The following CNOT6L variants were observed in gnomAD, a reference collection of about 807,000 sequenced individuals.
The protein encoded by CNOT6L is CCR4-NOT transcription complex subunit 6 like.
In CNOT6L, 7 loss-of-function variants were observed where a neutral mutation model predicts 64.0. The observed-to-expected ratio is 0.11, with a 90% CI of 0.06 to 0.21. The LOEUF (loss-of-function observed/expected upper bound fraction) is 0.21, where lower values mean the gene tolerates loss of function less well. CNOT6L is among the 10% of genes least tolerant of loss of function. The pLI, the probability that CNOT6L is intolerant of heterozygous loss-of-function variation, is 1.00. For synonymous variants in CNOT6L, 193 were observed against 243.4 expected, an observed-to-expected ratio of 0.79 and a Z score of 1.93; for missense variants, 245 against 669.0, an observed-to-expected ratio of 0.37 and a Z score of 6.99.
intron 1 of CNOT6L, among the ~76,000 whole-genome samples, chr4:77,784,808 TTC>T (rs1421608894): frequency 1.3e-5 from 2 of 152,256 alleles, no homozygotes; most frequent in Non-Finnish European, 2.9e-5. Flanking sequence ...TTGATTTAGT[TTC>T]TGTTTTCTTT....
chr4:77,757,244 T>C (rs1052863406), intron 4 of CNOT6L, among the ~76,000 whole-genome samples: 3 of 152,168 alleles, frequency 2.0e-5, no homozygotes, highest in Non-Finnish European at 4.4e-5. Flanking sequence ...AGTAATCCTA[T>C]AGGTTCTACA....
intron 1 of CNOT6L, among the ~76,000 whole-genome samples, chr4:77,791,036 G>C (rs979887627): frequency 6.6e-6 from 1 of 151,984 alleles, no homozygotes; most frequent in Non-Finnish European, 1.5e-5. Flanking sequence ...CCAGCACTTC[G>C]GGAGGCTGAG....
intron 4 of CNOT6L, among the ~76,000 whole-genome samples, chr4:77,765,154 T>TC (rs1406795169): frequency 6.6e-6 from 1 of 152,010 alleles, no homozygotes; most frequent in African/African-American, 2.4e-5. Flanking sequence ...ACTGCTACAC[T>TC]CCCACCAGCT....
chr4:77,789,945 C>CAAAAAAAAAAAAAAA (rs58242121), intron 1 of CNOT6L, among the ~76,000 whole-genome samples: 2 of 83,310 alleles, frequency 2.4e-5, no homozygotes, highest in African/African-American at 9.7e-5. Context: ...GACACTGTCT[C>CAAAAAAAAAAAAAAA]AAAAAAAAAA....
intron 4 of CNOT6L, among the ~76,000 whole-genome samples, chr4:77,768,473 AAATATATATATATAT>A (rs1727124018): frequency 2.4e-4 from 1 of 4,210 alleles, no homozygotes; most frequent in African/African-American, 4.4e-4. Context: ...TAAAATAAAT[AAATATATATATATAT>A]ATATATATAT....
At chr4:77,767,652 C>T (rs1289125715) in intron 4 of CNOT6L, among the ~76,000 whole-genome samples, 1 of 152,084 alleles carries the variant, frequency 6.6e-6, no homozygotes, top group East Asian at 1.9e-4. Flanking sequence ...TTAAATTCCT[C>T]ACCAAATTAG....
intron 1 of CNOT6L, among the ~76,000 whole-genome samples, chr4:77,806,105 G>T (rs1732189785): frequency 1.3e-5 from 2 of 152,138 alleles, no homozygotes; most frequent in Middle Eastern, 3.4e-3. Flanking sequence ...AACTGATGGT[G>T]AATACCTCAA....
chr4:77,776,775 AT>A lies in CNOT6L; in HGVS notation c.6-384del, dbSNP rs1379423215. 4.6e-5 allele frequency among the ~76,000 whole-genome samples: 7 copies of A among 152,348 alleles called. No individual in the cohort carries two copies. In the East Asian group the frequency reaches 1.2e-3, roughly 25 times the overall value. ...CTCCTTTCCTCAGTGATATTCAGATATCCCATGCCTAAGACAATCAGCACAT... is the reference window on the plus strand; with the variant it reads ...CTCCTTTCCTCAGTGATATTCAGATACCCATGCCTAAGACAATCAGCACAT... On this transcript the variant is annotated intron_variant, in intron 1 of 11. Transcript: ENST00000504123.
intron 5 of CNOT6L, among the ~76,000 whole-genome samples, chr4:77,755,418 G>A (rs1047954064): frequency 6.6e-6 from 1 of 151,644 alleles, no homozygotes; most frequent in Non-Finnish European, 1.5e-5. Flanking sequence ...AGGTTTCACC[G>A]TGTTAGCCAG....
chr4:77,755,044 C>G (rs1439627693), intron 5 of CNOT6L, among the ~76,000 whole-genome samples: 2 of 151,088 alleles, frequency 1.3e-5, no homozygotes, highest in Non-Finnish European at 1.5e-5. Flanking sequence ...TAAAATTTTT[C>G]TGTTTGTCAA....
At chr4:77,787,986 A>G (rs915505604) in intron 1 of CNOT6L, among the ~76,000 whole-genome samples, 12 of 152,174 alleles carry the variant, frequency 7.9e-5, no homozygotes, top group African/African-American at 2.7e-4. Flanking sequence ...AAGTTTGAAA[A>G]CCCTCAAAAT....
intron 1 of CNOT6L, among the ~76,000 whole-genome samples, chr4:77,781,269 A>G (rs1419256043): frequency 6.6e-6 from 1 of 152,150 alleles, no homozygotes; most frequent in African/African-American, 2.4e-5. Context: ...GATAGGTGCA[A>G]CAAACCACTA....
intron 1 of CNOT6L, among the ~76,000 whole-genome samples, chr4:77,787,509 G>A (rs1161781626): frequency 6.6e-6 from 1 of 152,122 alleles, no homozygotes; most frequent in Non-Finnish European, 1.5e-5. Flanking sequence ...GCAAACTATA[G>A]CATGGCGTTT....
chr4:77,727,502 G>A (rs1204078973), intron 10 of CNOT6L, among the ~76,000 whole-genome samples: 1 of 143,648 alleles, frequency 7.0e-6, no homozygotes, highest in Non-Finnish European at 1.5e-5. Flanking sequence ...GGAGGCAGAG[G>A]TTGCAGTCAA....
At chr4:77,781,262 A>T (rs1184340842) in intron 1 of CNOT6L, among the ~76,000 whole-genome samples, 1 of 152,204 alleles carries the variant, frequency 6.6e-6, no homozygotes, top group Non-Finnish European at 1.5e-5. Context: ...ACGGGTTGAT[A>T]GGTGCAACAA....
At chr4:77,791,717 G>T (rs1730168050) in intron 1 of CNOT6L, among the ~76,000 whole-genome samples, 1 of 151,308 alleles carries the variant, frequency 6.6e-6, no homozygotes. Flanking sequence ...ATTTTGCTTG[G>T]GTATTATTTA....
upstream of CNOT6L, chr4:77,819,489 G>C (rs1489979703): frequency 7.6e-7 from 1 of 1,311,974 alleles, no homozygotes. Context: ...CCGCCCCGAG[G>C]GGAAGCCGCG....
chr4:77,749,053 G>T (rs187075742), intron 5 of CNOT6L, among the ~76,000 whole-genome samples: 1 of 152,086 alleles, frequency 6.6e-6, no homozygotes, highest in African/African-American at 2.4e-5. Flanking sequence ...AGTACAACTT[G>T]ATTCAAGTTT....
intron 1 of CNOT6L, among the ~76,000 whole-genome samples, chr4:77,792,768 AG>A (rs1730319637): frequency 6.6e-6 from 1 of 150,732 alleles, no homozygotes; most frequent in African/African-American, 2.4e-5. Flanking sequence ...AGTATTGATT[AG>A]TAACTGTCAT....
Sources: gnomAD v4.1 joint callset for allele counts (sites outside exome capture counted in the v4.1 genomes callset) on GRCh38, gnomAD v4.1.1 for gene constraint, MANE v1.5 for transcripts, NCBI Gene and HGNC (gene_info 2026-07-23, HGNC 2026-07-21) for gene names.